OPCML: variants seen among roughly 807,000 people sequenced by gnomAD.
OPCML encodes opioid binding protein/cell adhesion molecule like.
OPCML carries 13 observed loss-of-function variants against 37.8 expected under a neutral mutation model. The observed-to-expected ratio is 0.34, with a 90% CI of 0.22 to 0.55. The LOEUF is 0.55. OPCML is among the 20% of genes least tolerant of loss of function. The pLI is 0.91. For synonymous variants in OPCML, 176 were observed against 168.8 expected, an observed-to-expected ratio of 1.04 and a Z score of -0.33; for missense variants, 341 against 435.6, an observed-to-expected ratio of 0.78 and a Z score of 1.93.
At chr11:133,119,080 C>T (rs1251754179) in intron 1 of OPCML, among the ~76,000 whole-genome samples, 8 of 152,084 alleles carry the variant, frequency 5.3e-5, no homozygotes. Flanking sequence ...CATGCCAGCG[C>T]TTGGCAAGTT....
At chr11:133,228,878 C>T (rs1422763451) in intron 1 of OPCML, among the ~76,000 whole-genome samples, 1 of 152,242 alleles carries the variant, frequency 6.6e-6, no homozygotes, top group African/African-American at 2.4e-5. Context: ...TTTAAAGTGA[C>T]AGCCCTTAAT....
At chr11:132,558,276 A>C (rs1591548050) in intron 3 of OPCML, among the ~76,000 whole-genome samples, 58 of 89,168 alleles carry the variant, frequency 6.5e-4, no homozygotes, top group Admixed American at 1.1e-3. Flanking sequence ...CCTCTTCTTC[A>C]CCTTCTTCCT....
Position 133,208,210 on chromosome 11 carries a change from G to C in OPCML, c.62-265200C>G, listed in dbSNP as rs1173257116. ...CTATCTTGCTCACCATTTATCTCAA[G>C]CATTTAGCTTATTGCTTAGCACATT... is the stretch of plus-strand genomic sequence containing the variant. On this transcript the variant is annotated intron_variant, in intron 1 of 7. Transcript: ENST00000524381. This position sits in a 1 kb window ranked among gnomAD's most constrained non-coding sequence, Gnocchi z 8.9. Among the ~76,000 whole-genome samples, 1 of 152,126 alleles carries C rather than the reference G, an allele frequency of 6.6e-6. No homozygotes were observed. Among genetic ancestry groups the C allele is most frequent in the Non-Finnish European group, 1.5e-5 (1 of 68,030 alleles).
At chr11:132,852,359 C>T (rs1173293984) in intron 2 of OPCML, among the ~76,000 whole-genome samples, 1 of 152,162 alleles carries the variant, frequency 6.6e-6, no homozygotes, top group African/African-American at 2.4e-5. Context: ...AAGAATTTTA[C>T]CTCCGCTATA....
At chr11:132,555,539 G>A (rs779263635) in intron 3 of OPCML, among the ~76,000 whole-genome samples, 13 of 152,136 alleles carry the variant, frequency 8.5e-5, no homozygotes, top group Non-Finnish European at 1.8e-4. Context: ...TTCAAGATGA[G>A]ATTTGGGTGG....
intron 3 of OPCML, among the ~76,000 whole-genome samples, chr11:132,625,376 T>C (rs1006245062): frequency 5.9e-5 from 9 of 152,172 alleles, no homozygotes; most frequent in Non-Finnish European, 1.0e-4. Flanking sequence ...TGAGTGGGGC[T>C]TGTTGACTCC....
At chr11:133,055,724 T>C (rs1306251690) in intron 1 of OPCML, among the ~76,000 whole-genome samples, 1,717 of 60,306 alleles carry the variant, frequency 0.028, no homozygotes, top group Middle Eastern at 0.069. Flanking sequence ...GCCACCTCTA[T>C]CGTACAATGC....
intron 3 of OPCML, among the ~76,000 whole-genome samples, chr11:132,607,327 G>A (rs893529833): frequency 4.6e-5 from 7 of 152,188 alleles, no homozygotes; most frequent in African/African-American, 1.4e-4. Context: ...GTTGGGTGGG[G>A]TCTCTAGAGA....
intron 1 of OPCML, among the ~76,000 whole-genome samples, chr11:133,317,632 GT>G (rs1441250213): frequency 6.6e-6 from 1 of 152,210 alleles, no homozygotes; most frequent in Non-Finnish European, 1.5e-5. Context: ...TTTGTCATAT[GT>G]TTATGGAGTA....
chr11:132,800,673 T>C (rs185485480), intron 2 of OPCML, among the ~76,000 whole-genome samples: 5 of 152,300 alleles, frequency 3.3e-5, no homozygotes, highest in Admixed American at 3.3e-4. Flanking sequence ...ATTAAATAGA[T>C]TTTGTCTATT....
At chr11:132,804,773 G>T (rs963645266) in intron 2 of OPCML, among the ~76,000 whole-genome samples, 4 of 152,166 alleles carry the variant, frequency 2.6e-5, no homozygotes, top group African/African-American at 9.7e-5. Flanking sequence ...CAGTAATTGA[G>T]CTGCTTGTTA....
chr11:133,001,369 G>T (rs529199242), intron 1 of OPCML, among the ~76,000 whole-genome samples: 14 of 152,196 alleles, frequency 9.2e-5, no homozygotes, highest in Non-Finnish European at 1.8e-4. Context: ...CAAAAGAACT[G>T]GTCTCTGGTT....
chr11:133,255,388 G>T (rs1941279333), intron 1 of OPCML, among the ~76,000 whole-genome samples: 1 of 152,032 alleles, frequency 6.6e-6, no homozygotes, highest in African/African-American at 2.4e-5. Flanking sequence ...TGTTATTTGG[G>T]TTTATTTGGT....
chr11:133,315,714 C>T (rs2136607397), intron 1 of OPCML, among the ~76,000 whole-genome samples: 1 of 152,296 alleles, frequency 6.6e-6, no homozygotes, highest in African/African-American at 2.4e-5. Context: ...ACAAGAATTG[C>T]TTGAACCCAG....
chr11:132,418,882 C>T lies in OPCML; in HGVS notation c.*1311G>A, dbSNP rs1368787638. On this transcript the variant is annotated 3_prime_UTR_variant, in exon 8 of 8. Transcript: ENST00000524381. ...GGCTGGCACCTTTGTCCTTCAAGTG[C>T]AAAAGGAAAACCACAGTGCTAATCA... 2 of 152,618 alleles carry T rather than the reference C, an allele frequency of 1.3e-5. No individual in the cohort carries two copies. Among genetic ancestry groups the T allele is most frequent in the Non-Finnish European group, 2.9e-5 (2 of 68,044 alleles). The allele number at this position is 152,618 out of a possible 1,614,324, so 9.5% of individuals were successfully genotyped here.
intron 1 of OPCML, among the ~76,000 whole-genome samples, chr11:133,164,500 T>G (rs574672387): frequency 6.6e-6 from 1 of 152,294 alleles, no homozygotes; most frequent in African/African-American, 2.4e-5. Flanking sequence ...GGGAAAGAGC[T>G]TCGAGTCAGA....
intron 1 of OPCML, among the ~76,000 whole-genome samples, chr11:133,106,090 G>A (rs1592006289): frequency 6.6e-6 from 1 of 152,050 alleles, no homozygotes. Context: ...CTACAGATCT[G>A]GCCAAACTGA....
At chr11:132,841,878 A>G (rs1018216725) in intron 2 of OPCML, among the ~76,000 whole-genome samples, 9 of 149,950 alleles carry the variant, frequency 6.0e-5, no homozygotes, top group African/African-American at 2.2e-4. Context: ...AAAAAAAAAA[A>G]AAAAAAAAAA....
At chr11:133,525,224 G>A (rs1948466924) in intron 1 of OPCML, among the ~76,000 whole-genome samples, 1 of 152,204 alleles carries the variant, frequency 6.6e-6, no homozygotes, top group South Asian at 2.1e-4. Context: ...GAGCTCCTGG[G>A]AAAGCAGCAT....
Sources: allele counts gnomAD v4.1 joint callset (sites outside exome capture counted in the v4.1 genomes callset), GRCh38; gene constraint gnomAD v4.1.1; non-coding constraint Gnocchi (gnomAD v3.1); transcripts MANE v1.5; gene names NCBI Gene and HGNC (gene_info 2026-07-23, HGNC 2026-07-21).